The following PCDH11X variants were observed in gnomAD, a reference collection of about 807,000 sequenced individuals.
The protein encoded by PCDH11X is protocadherin 11 X-linked.
In PCDH11X, 18 loss-of-function variants were observed where a neutral mutation model predicts 53.3. The observed-to-expected ratio is 0.34, with a 90% confidence interval of 0.23 to 0.50. The LOEUF (loss-of-function observed/expected upper bound fraction) is 0.50, where lower values mean the gene tolerates loss of function less well. Among genes scored for constraint, PCDH11X ranks in the 20% least tolerant of loss-of-function variants. The pLI is 0.98. For synonymous variants in PCDH11X, 279 were observed against 393.3 expected, an observed-to-expected ratio of 0.71 and a Z score of 3.44; for missense variants, 570 against 1,032.4, an observed-to-expected ratio of 0.55 and a Z score of 6.14.
At chrX:92,412,509 GTATATATATATATA>G (rs748836273) in intron 9 of PCDH11X, among the ~76,000 whole-genome samples, 683 of 64,411 alleles carry the variant, frequency 0.011, 14 homozygotes, top group South Asian at 0.07. Context: ...AAAGAAAATA[GTATATATATATATA>G]TATATATATA....
chrX:92,007,533 T>A (rs761779420), intron 6 of PCDH11X, among the ~76,000 whole-genome samples: 3 of 111,670 alleles, frequency 2.7e-5, no homozygotes, highest in African/African-American at 9.8e-5. Context: ...TCAGGTCAGG[T>A]CCAGAAATGC....
chrX:92,121,425 G>A (rs904309431), intron 6 of PCDH11X, among the ~76,000 whole-genome samples: 3 of 111,847 alleles, frequency 2.7e-5, no homozygotes, highest in South Asian at 3.7e-4. Flanking sequence ...CAAAATGCTG[G>A]GATTACAGGC....
intron 8 of PCDH11X, among the ~76,000 whole-genome samples, chrX:92,263,679 A>T (rs1400360017): frequency 8.9e-6 from 1 of 112,083 alleles, no homozygotes; most frequent in Non-Finnish European, 1.9e-5. Context: ...TTCAAAAGTA[A>T]TTGTGGTTTT....
intron 9 of PCDH11X, among the ~76,000 whole-genome samples, chrX:92,454,894 T>G (rs2072879232): frequency 9.5e-6 from 1 of 105,085 alleles, no homozygotes; most frequent in Non-Finnish European, 2.0e-5. Flanking sequence ...GCTTATCCTT[T>G]ATGTAAACCT....
intron 6 of PCDH11X, among the ~76,000 whole-genome samples, chrX:92,039,394 AT>A (rs1383795712): frequency 1.8e-5 from 2 of 111,656 alleles, no homozygotes; most frequent in Non-Finnish European, 3.8e-5. Context: ...CTGGTATTCT[AT>A]TGTACTATGG....
chrX:92,584,945 C>A (rs1305056298), intron 10 of PCDH11X, among the ~76,000 whole-genome samples: 1 of 109,074 alleles, frequency 9.2e-6, no homozygotes, highest in Non-Finnish European at 1.9e-5. Flanking sequence ...AGGCGTGTGC[C>A]ATCATGCCCA....
intron 7 of PCDH11X, among the ~76,000 whole-genome samples, chrX:92,228,836 C>A (rs1488837250): frequency 9.0e-6 from 1 of 111,688 alleles, no homozygotes; most frequent in African/African-American, 3.2e-5. Flanking sequence ...CCCTTTTTCT[C>A]CCACTGAAAA....
At chrX:92,310,397 T>C (rs1261893637) in intron 8 of PCDH11X, among the ~76,000 whole-genome samples, 1 of 111,942 alleles carries the variant, frequency 8.9e-6, no homozygotes, top group Non-Finnish European at 1.9e-5. Flanking sequence ...GTAATTTACT[T>C]GTTTATTTAT....
At chrX:91,839,533 G>A (rs1937436481) in intron 5 of PCDH11X, among the ~76,000 whole-genome samples, 1 of 108,184 alleles carries the variant, frequency 9.2e-6, no homozygotes, top group Admixed American at 1.0e-4. Context: ...GAATTCGGGA[G>A]GCAGAGGTTG....
Position 92,468,421 on chromosome X carries a change from C to A in PCDH11X, c.3367+99C>A, listed in dbSNP as rs376484033. On this transcript the variant is annotated intron_variant, in intron 10 of 10. Coordinates refer to ENST00000682573, the MANE Select transcript of PCDH11X (RefSeq NM_032968.5). ...AAGAACTGTTTACCTTTTTGCTTCT[C>A]ATAAAACATCAACTGTTTGCTTCAA... 104 of 998,529 alleles carry A rather than the reference C, an allele frequency of 1.0e-4. 1 individual carries two copies. The South Asian group carries it at 2.9e-3, about 28-fold the overall frequency. 82.3% of individuals were successfully genotyped at this position (998,529 alleles called of 1,213,427 possible).
intron 6 of PCDH11X, among the ~76,000 whole-genome samples, chrX:92,070,310 C>A (rs1161792625): frequency 9.0e-6 from 1 of 111,542 alleles, no homozygotes; most frequent in Non-Finnish European, 1.9e-5. Flanking sequence ...TCATTGTCAT[C>A]CTTTTCTTTT....
At chrX:92,411,753 G>A (rs1437510271) in intron 9 of PCDH11X, among the ~76,000 whole-genome samples, 1 of 106,163 alleles carries the variant, frequency 9.4e-6, no homozygotes, top group Non-Finnish European at 1.9e-5. Flanking sequence ...GGGCAGGTAA[G>A]AGTTAACAGG....
At chrX:92,441,114 T>C (rs1267762922) in intron 9 of PCDH11X, among the ~76,000 whole-genome samples, 2 of 108,258 alleles carry the variant, frequency 1.8e-5, no homozygotes, top group Non-Finnish European at 3.8e-5. Flanking sequence ...TGACTTAGGG[T>C]ATCTGGTGGA....
intron 10 of PCDH11X, among the ~76,000 whole-genome samples, chrX:92,518,092 A>G (rs1481963327): frequency 9.3e-6 from 1 of 107,843 alleles, no homozygotes; most frequent in Non-Finnish European, 1.9e-5. Context: ...TAAGCAAAAC[A>G]GTATGTAAAA....
At chrX:92,319,602 C>T (rs1421197274) in intron 8 of PCDH11X, among the ~76,000 whole-genome samples, 5 of 110,170 alleles carry the variant, frequency 4.5e-5, no homozygotes, top group Non-Finnish European at 9.5e-5. Flanking sequence ...TTAAGTGATC[C>T]TCCGCTTTGG....
intron 6 of PCDH11X, among the ~76,000 whole-genome samples, chrX:92,103,401 C>T (rs1393831711): frequency 9.1e-6 from 1 of 110,473 alleles, no homozygotes; most frequent in African/African-American, 3.3e-5. Context: ...GGGTAGCCTC[C>T]GTATTGATTA....
chrX:92,175,267 G>A (rs1006997809), intron 6 of PCDH11X, among the ~76,000 whole-genome samples: 31 of 111,607 alleles, frequency 2.8e-4, no homozygotes, highest in African/African-American at 9.1e-4. Flanking sequence ...ATGAGCCATC[G>A]CACCCAGCCG....
At chrX:92,492,692 G>A (rs781625539) in intron 10 of PCDH11X, among the ~76,000 whole-genome samples, 115 of 108,724 alleles carry the variant, frequency 1.1e-3, no homozygotes, top group African/African-American at 3.6e-3. Context: ...AAAAGGAATG[G>A]AATGTACTTT....
At chrX:92,489,970 C>T (rs1470809965) in intron 10 of PCDH11X, among the ~76,000 whole-genome samples, 4 of 103,730 alleles carry the variant, frequency 3.9e-5, no homozygotes, top group South Asian at 4.2e-4. Context: ...ACAACAATAA[C>T]GACATAATAG....
Sources: gnomAD v4.1 joint callset for allele counts (sites outside exome capture counted in the v4.1 genomes callset) on GRCh38, gnomAD v4.1.1 for gene constraint, MANE v1.5 for transcripts, NCBI Gene and HGNC (gene_info 2026-07-23, HGNC 2026-07-21) for gene names.